The following LNPK variants were observed in gnomAD, a reference collection of about 807,000 sequenced individuals.
The protein encoded by LNPK is endoplasmic reticulum junction formation protein lunapark.
Under a neutral mutation model 55.2 loss-of-function variants are expected in LNPK, and 29 were observed. The observed-to-expected ratio is 0.53, with a 90% CI of 0.39 to 0.72. The LOEUF is 0.72. LNPK is among the 30% of genes least tolerant of loss of function. LNPK has a pLI of 0.00. For synonymous variants in LNPK, 162 were observed against 168.2 expected, an observed-to-expected ratio of 0.96 and a Z score of 0.29; for missense variants, 467 against 494.8, an observed-to-expected ratio of 0.94 and a Z score of 0.53.
rs542611375 is a variant in LNPK at position 175,926,093 on chromosome 2, T to C, written c.*3874A>G. On this transcript the variant is annotated 3_prime_UTR_variant, in exon 13 of 13. Coordinates refer to ENST00000272748, the MANE Select transcript of LNPK (RefSeq NM_030650.3). The stretch of plus-strand genomic sequence containing the variant: ...AATCTGAAATGATGGAGGCCAAGAT[T>C]AGAAGGCAGTACAACAGAAATTAAG... 4 of 152,366 alleles carry C rather than the reference T, an allele frequency of 2.6e-5. No homozygotes were observed. Among genetic ancestry groups the C allele is most frequent in the African/African-American group, 9.6e-5 (4 of 41,576 alleles). 9.4% of individuals were successfully genotyped at this position (152,366 alleles called of 1,614,324 possible). A position where few individuals can be genotyped will look rare whatever the true frequency, so the allele number is the denominator to read the frequency against.
intron 8 of LNPK, among the ~76,000 whole-genome samples, chr2:175,952,600 C>A (rs1356167621): frequency 6.6e-6 from 1 of 151,902 alleles, no homozygotes; most frequent in Non-Finnish European, 1.5e-5. Flanking sequence ...TACCCTATTT[C>A]GCTATTCAAA....
At chr2:175,935,077 GA>G (rs545657305) in intron 12 of LNPK, among the ~76,000 whole-genome samples, 2 of 150,336 alleles carry the variant, frequency 1.3e-5, no homozygotes, top group Non-Finnish European at 3.0e-5. Flanking sequence ...ATCACAGATT[GA>G]AAAAAAAATA....
upstream of LNPK, chr2:176,002,314 G>T (rs543587014): frequency 6.1e-5 from 26 of 428,162 alleles, no homozygotes; most frequent in East Asian, 2.1e-3. Flanking sequence ...CCAGCCGCTC[G>T]CCAATTGGCG....
chr2:175,950,071 C>CA (rs1685324724), intron 8 of LNPK, among the ~76,000 whole-genome samples: 1 of 152,028 alleles, frequency 6.6e-6, no homozygotes, highest in South Asian at 2.1e-4. Flanking sequence ...AAGCATTCCA[C>CA]ATGAATCTGG....
intron 8 of LNPK, among the ~76,000 whole-genome samples, chr2:175,962,216 A>G (rs1055516599): frequency 1.3e-5 from 2 of 152,208 alleles, no homozygotes; most frequent in African/African-American, 2.4e-5. Context: ...TAAAGTTCAT[A>G]TGGAACCAAA....
intron 5 of LNPK, among the ~76,000 whole-genome samples, chr2:175,975,100 A>C (rs1686849849): frequency 6.6e-6 from 1 of 151,010 alleles, no homozygotes; most frequent in African/African-American, 2.4e-5. Flanking sequence ...ACCATCTGCT[A>C]TATTACTAAA....
chr2:175,964,445 T>C (rs755090938), intron 7 of LNPK, 22 bp from the exon 8 acceptor site: 1 of 1,608,636 alleles, frequency 6.2e-7, no homozygotes, highest in Non-Finnish European at 8.5e-7. Context: ...AATAATGTTA[T>C]TACAGTGACC....
At position 175,930,167 on chromosome 2, in the gene LNPK, T is replaced by C. The variant is rs1684199442; in HGVS notation, c.1087A>G (p.Thr363Ala). 1 of 1,613,058 alleles carries C rather than the reference T, an allele frequency of 6.2e-7. No individual in the cohort carries two copies. The highest frequency in any genetic ancestry group is 8.5e-7 in the Non-Finnish European group (1 of 1,179,184). ...SLEHDVLDDN[T>A]EQTDDKIPAT... ...GGTATTTTGTCATCTGTCTGCTCTG[T>C]ATTATCATCAAGAACATCGTGTTCT... The change falls in exon 13 of 13, where the codon ACA (threonine) becomes GCA (alanine). Residue 363 changes from threonine (T) to alanine (A), a missense_variant. Coordinates refer to ENST00000272748, the MANE Select transcript of LNPK (RefSeq NM_030650.3).
At chr2:175,938,220 G>A in intron 11 of LNPK, 93 bp downstream of exon 11, 1 of 750,672 alleles carries the variant, frequency 1.3e-6, no homozygotes, top group Non-Finnish European at 2.3e-6. Flanking sequence ...TACAAAGAGA[G>A]TATATAAAAT....
At chr2:175,976,520 T>C (rs1686920074) in intron 5 of LNPK, among the ~76,000 whole-genome samples, 1 of 152,272 alleles carries the variant, frequency 6.6e-6, no homozygotes, top group South Asian at 2.1e-4. Context: ...TGAGGTTGTT[T>C]TGGGGTAAGA....
At chr2:175,930,275 AACACACACACACACACAC>A (rs35338571) in intron 12 of LNPK, 76 bp from the exon 13 acceptor site, 79 of 661,142 alleles carry the variant, frequency 1.2e-4, no homozygotes, top group Middle Eastern at 7.5e-4. Context: ...AAAAAAGATA[AACACACACACACACACAC>A]ACACACACAC....
chr2:175,974,167 T>C (rs138968866), intron 5 of LNPK, among the ~76,000 whole-genome samples: 121 of 152,344 alleles, frequency 7.9e-4, no homozygotes, highest in African/African-American at 2.7e-3. Context: ...AGCACAGCTA[T>C]AACGTCATTG....
At chr2:175,979,047 TATGAG>T (rs1327734414) in intron 5 of LNPK, among the ~76,000 whole-genome samples, 4 of 152,128 alleles carry the variant, frequency 2.6e-5, no homozygotes, top group African/African-American at 9.7e-5. Flanking sequence ...AAATGATACT[TATGAG>T]ATAACTGAAA....
chr2:175,930,153 ATCTGTCTGC>A lies in LNPK; in HGVS notation c.1092_1100del (p.Glu364_Thr366del), dbSNP rs772716647. On this transcript the variant is annotated inframe_deletion, in exon 13 of 13. Coordinates refer to ENST00000272748, the MANE Select transcript of LNPK (RefSeq NM_030650.3). ...TCTGTTCTGTAGCTGGTATTTTGTCATCTGTCTGCTCTGTATTATCATCAAGAACATCGT... is the reference window on the plus strand; with the variant it reads ...TCTGTTCTGTAGCTGGTATTTTGTCATCTGTATTATCATCAAGAACATCGT... The A allele has an allele frequency of 3.7e-6, 6 of 1,613,264 alleles. No homozygotes were observed. In the Admixed American group the frequency reaches 1.0e-4, roughly 27 times the overall value.
chr2:175,964,342 A>T, intron 8 of LNPK, 30 bp downstream of exon 8: 1 of 1,587,066 alleles, frequency 6.3e-7, no homozygotes, highest in South Asian at 1.1e-5. Context: ...TCTTTCCAAC[A>T]GCAGCAGCAG....
intron 4 of LNPK, among the ~76,000 whole-genome samples, chr2:175,982,604 A>T (rs1171565979): frequency 6.6e-6 from 1 of 152,210 alleles, no homozygotes; most frequent in Non-Finnish European, 1.5e-5. Flanking sequence ...CATGTTGCCC[A>T]GACTGGTCTT....
At chr2:175,979,123 T>C (rs1687049429) in intron 5 of LNPK, among the ~76,000 whole-genome samples, 1 of 152,028 alleles carries the variant, frequency 6.6e-6, no homozygotes, top group African/African-American at 2.4e-5. Flanking sequence ...GGTATGAAAA[T>C]GGAGAGATAC....
chr2:175,990,567 A>G (rs1455205364), intron 4 of LNPK, among the ~76,000 whole-genome samples: 1 of 152,226 alleles, frequency 6.6e-6, no homozygotes, highest in African/African-American at 2.4e-5. Flanking sequence ...AAGTCCAGGG[A>G]TAAGCTCACA....
intron 5 of LNPK, among the ~76,000 whole-genome samples, chr2:175,971,410 A>G (rs530901615): frequency 2.6e-5 from 4 of 152,162 alleles, no homozygotes; most frequent in Non-Finnish European, 5.9e-5. Context: ...GATATCTTTT[A>G]TGAATGTCAA....
Sources: allele counts gnomAD v4.1 joint callset (sites outside exome capture counted in the v4.1 genomes callset), GRCh38; gene constraint gnomAD v4.1.1; transcripts MANE v1.5; gene names NCBI Gene and HGNC (gene_info 2026-07-23, HGNC 2026-07-21).